The following SPEG variants were observed in gnomAD, a reference collection of about 807,000 sequenced individuals.
SPEG encodes the protein striated muscle enriched protein kinase, also known as striated muscle preferentially expressed protein kinase.
Under a neutral mutation model 300.4 loss-of-function variants are expected in SPEG, and 114 were observed. The ratio of observed to expected loss-of-function variants is 0.38; its 90% CI spans 0.33 to 0.44. The LOEUF (loss-of-function observed/expected upper bound fraction) is 0.44, where lower values mean the gene tolerates loss of function less well. Ranked by LOEUF, SPEG falls within the 20% of genes least tolerant of loss-of-function variation. SPEG has a pLI of 1.00. For missense variants in SPEG, 4,201 were observed against 4,586.2 expected, an observed-to-expected ratio of 0.92 and a Z score of 2.43; for synonymous variants, 1,964 against 2,018.9, an observed-to-expected ratio of 0.97 and a Z score of 0.73.
In SPEG at chr2:219,485,388, G is replaced by C. The variant is rs779215975; in HGVS notation, c.7652G>C (p.Arg2551Pro). 2.5e-6 allele frequency: 4 copies of C among 1,607,486 alleles called. No individual in the cohort carries two copies. The African/African-American group carries it at 4.0e-5, about 16-fold the overall frequency. ...AGCCGGCTCCGCTGGGGCTTCTCTC[G>C]GCCGCGGAAGGACAAGGGGTTATCG... ...SRSRLRWGFS[R>P]PRKDKGLSPP... The change falls in exon 31 of 41, where the codon CGG becomes CCG. Residue 2551 changes from arginine (R) to proline (P), a missense_variant. By Grantham distance (103) the Arg-to-Pro change is moderately radical. This residue lies in a region of SPEG where 1,578 missense variants were observed against 1,506.0 expected (regional missense o/e 1.05). Coordinates refer to ENST00000312358, the MANE Select transcript of SPEG (RefSeq NM_005876.5).
intron 4 of SPEG, 190 bp from the exon 5 acceptor site, chr2:219,450,946 G>C: frequency 1.7e-6 from 1 of 575,470 alleles, no homozygotes; most frequent in East Asian, 3.1e-5. Context: ...TTTCGAGAAT[G>C]CTCCTTCTGA....
chr2:219,435,111 T>A lies in SPEG; in HGVS notation c.134T>A (p.Phe45Tyr), dbSNP rs899660947. ...APVAVAGAPVFLRPLKNAAVC... is the reference protein window; with the variant it reads ...APVAVAGAPVYLRPLKNAAVC... Reference sequence around the variant, plus strand: ...GTGGCCGTGGCCGGGGCGCCAGTCTTCCTGCGGCCCCTGAAGAACGCGGCG... The same window carrying A: ...GTGGCCGTGGCCGGGGCGCCAGTCTACCTGCGGCCCCTGAAGAACGCGGCG... The change falls in exon 1 of 41, where the codon TTC becomes TAC. Residue 45 changes from phenylalanine to tyrosine, a missense_variant. Phe to Tyr is a conservative substitution (Grantham distance 22, BLOSUM62 3). Around this residue, in one of 4 missense-constraint regions of SPEG, gnomAD observed 1,258 missense variants for 1,293.9 expected, o/e 0.97. Transcript: ENST00000312358. 5 of 1,455,678 alleles carry A rather than the reference T, an allele frequency of 3.4e-6. No homozygotes were observed. The highest frequency in any genetic ancestry group is 2.2e-4 in the Middle Eastern group (1 of 4,530). 90.2% of individuals were successfully genotyped at this position (1,455,678 alleles called of 1,614,324 possible).
chr2:219,471,648 A>G, intron 13 of SPEG: 1 of 580,496 alleles, frequency 1.7e-6, no homozygotes, highest in Non-Finnish European at 3.1e-6. Flanking sequence ...CAGAGGGGCC[A>G]GGGCAGATGT....
intron 31 of SPEG, among the ~76,000 whole-genome samples, chr2:219,486,992 G>A (rs946071034): frequency 2.0e-5 from 3 of 152,002 alleles, no homozygotes; most frequent in Non-Finnish European, 4.4e-5. Context: ...CTTCTGCCTG[G>A]CTCATCCCCA....
intron 9 of SPEG, 184 bp from the exon 10 acceptor site, chr2:219,466,990 C>A: frequency 9.5e-7 from 1 of 1,053,712 alleles, no homozygotes; most frequent in Non-Finnish European, 1.3e-6. Context: ...GGATTGCCAT[C>A]TCAAAGCCAG....
Position 219,467,418 on chromosome 2 carries a change from G to T in SPEG, c.3126G>T (p.Lys1042Asn). 6.2e-7 allele frequency: 1 copy of T among 1,604,566 alleles called. No homozygotes were observed. The highest frequency in any genetic ancestry group is 1.1e-5 in the South Asian group (1 of 90,820). The change falls in exon 10 of 41, where the codon AAG becomes AAT. Residue 1042 changes from lysine to asparagine, a missense_variant. By Grantham distance (94) the Lys-to-Asn change is moderately conservative. Transcript: ENST00000312358. ...ACGACAGTGGCGTCTACACCTGCAAGCTCAGCACGGCCAAAGGTAACTCCC... is the reference window on the plus strand; with the variant it reads ...ACGACAGTGGCGTCTACACCTGCAATCTCAGCACGGCCAAAGGTAACTCCC... ...HEDDSGVYTC[K>N]LSTAKDELTC... is the part of the protein sequence containing the mutation.
intron 1 of SPEG, chr2:219,441,585 G>C (rs1448942749): frequency 2.1e-6 from 1 of 470,856 alleles, no homozygotes; most frequent in South Asian, 1.5e-5. Flanking sequence ...GAGAGGCCCC[G>C]CGGGAGGAGG....
intron 6 of SPEG, among the ~76,000 whole-genome samples, chr2:219,452,516 G>A (rs148045240): frequency 2.6e-4 from 39 of 152,198 alleles, no homozygotes; most frequent in African/African-American, 7.9e-4. Flanking sequence ...CCTGGGGTTC[G>A]GGGAGGTGAG....
rs1005169577 is a variant in SPEG at position 219,466,350 on chromosome 2, C to T, written c.2882-824C>T. 8.4e-5 allele frequency: 118 copies of T among 1,397,962 alleles called. No homozygotes were observed. In the African/African-American group the frequency reaches 1.4e-3, roughly 17 times the overall value. 86.6% of individuals were successfully genotyped at this position (1,397,962 alleles called of 1,614,324 possible). ...GCGGCTGCGAGGGGTATCAACCCCC[C>T]GAGTCTCTCCCTGAAGGGGAGCACC... On this transcript the variant is annotated intron_variant, in intron 9 of 40. Transcript: ENST00000312358.
At position 219,482,862 on chromosome 2, in the gene SPEG, G is replaced by C; in HGVS notation, c.5634+10G>C. 6.2e-7 allele frequency: 1 copy of C among 1,613,024 alleles called. No individual in the cohort carries two copies. Among genetic ancestry groups the C allele is most frequent in the Non-Finnish European group, 8.5e-7 (1 of 1,179,372 alleles). ...CCGGCGGAGGTGGCAGGTAAGTGTG[G>C]CAGGCCAGCCTCTGTGCTTTCCACC... On this transcript the variant is annotated intron_variant, in intron 29 of 40. Transcript: ENST00000312358.
intron 39 of SPEG, 95 bp from the exon 40 acceptor site, chr2:219,492,015 TG>T: frequency 7.0e-7 from 1 of 1,429,320 alleles, no homozygotes; most frequent in Non-Finnish European, 9.6e-7. Context: ...CACAGTAGCA[TG>T]GCCCTGAGCA....
intron 9 of SPEG, chr2:219,466,496 T>C (rs925823706): frequency 7.1e-5 from 80 of 1,123,768 alleles, no homozygotes; most frequent in Non-Finnish European, 7.4e-5. Flanking sequence ...GTGGGAGAGA[T>C]TACGGCATGG....
At position 219,476,883 on chromosome 2, in the gene SPEG, T is replaced by C. The variant is rs1401535491; in HGVS notation, c.4461T>C (p.Phe1487=). 8 of 1,613,592 alleles carry C rather than the reference T, an allele frequency of 5.0e-6. No individual in the cohort carries two copies. The highest frequency in any genetic ancestry group is 6.8e-6 in the Non-Finnish European group (8 of 1,179,834). ...CATGTGTTTCAGAGGCCCCTCGGTT[T>C]GAGTCCATCATGGAGGACGTGGAGG... ...VTLELAEAPR[F]ESIMEDVEVG... The change falls in exon 19 of 41, where the codon TTT becomes TTC. Residue 1487 remains phenylalanine, a synonymous_variant. Transcript: ENST00000312358.
At position 219,473,768 on chromosome 2, in the gene SPEG, G is replaced by C; in HGVS notation, c.4312G>C (p.Glu1438Gln). 1.2e-6 allele frequency: 2 copies of C among 1,614,028 alleles called. No homozygotes were observed. The highest frequency in any genetic ancestry group is 1.7e-6 in the Non-Finnish European group (2 of 1,180,028). ...CCTAGAGGCACGGGCCGGTGTGTACGAGCTGAGCCAGCCAGATGATGACCA... is the reference window on the plus strand; with the variant it reads ...CCTAGAGGCACGGGCCGGTGTGTACCAGCTGAGCCAGCCAGATGATGACCA... Reference protein sequence around the residue: ...ALLEARAGVYELSQPDDDQYC... With the variant: ...ALLEARAGVYQLSQPDDDQYC... The change falls in exon 18 of 41, where the codon GAG becomes CAG. Residue 1438 changes from glutamate to glutamine, a missense_variant. Physicochemically the swap from Glu to Gln is conservative, Grantham distance 29. Transcript: ENST00000312358. The surrounding 1 kb of genome is among the most constrained non-coding windows in gnomAD (Gnocchi z 4.6).
chr2:219,440,406 T>G (rs1954830163), intron 1 of SPEG, among the ~76,000 whole-genome samples: 1 of 151,554 alleles, frequency 6.6e-6, no homozygotes, highest in Admixed American at 6.6e-5. Context: ...TAAAGAAATC[T>G]AAAATAAGAT....
chr2:219,457,237 G>T (rs1345854232), intron 6 of SPEG, among the ~76,000 whole-genome samples: 1 of 152,190 alleles, frequency 6.6e-6, no homozygotes, highest in Non-Finnish European at 1.5e-5. Context: ...ACAGGCAAAT[G>T]CTTGCTAACC....
At chr2:219,487,024 T>A (rs978857932) in intron 31 of SPEG, among the ~76,000 whole-genome samples, 1 of 152,042 alleles carries the variant, frequency 6.6e-6, no homozygotes, top group African/African-American at 2.4e-5. Context: ...CCACAATTCT[T>A]CAGACAGGCA....
rs927465035 is a variant in SPEG, at chr2:219,458,086, A to G, written c.2441-3796A>G. On this transcript the variant is annotated intron_variant, in intron 6 of 40. Transcript: ENST00000312358. The surrounding 1 kb of genome is among the most constrained non-coding windows in gnomAD (Gnocchi z 4.2). Reference sequence around the variant, plus strand: ...CCAGAAGGCTCCTGAGGACATGACCATGTCTTTGCCACTCCTTAGCACTGG... The same window carrying G: ...CCAGAAGGCTCCTGAGGACATGACCGTGTCTTTGCCACTCCTTAGCACTGG... Among the ~76,000 whole-genome samples, 1 of 152,100 alleles carries G rather than the reference A, an allele frequency of 6.6e-6. No homozygotes were observed. Among genetic ancestry groups the G allele is most frequent in the Non-Finnish European group, 1.5e-5 (1 of 68,008 alleles).
intron 28 of SPEG, 76 bp from the exon 29 acceptor site, chr2:219,482,708 C>T (rs1430411789): frequency 1.5e-6 from 2 of 1,367,146 alleles, no homozygotes; most frequent in Non-Finnish European, 2.1e-6. Flanking sequence ...GCCCCATGGA[C>T]TTTGTCTCTC....
Sources: allele counts gnomAD v4.1 joint callset (sites outside exome capture counted in the v4.1 genomes callset), GRCh38; gene constraint gnomAD v4.1.1; regional missense constraint gnomAD v4.1.1; non-coding constraint Gnocchi (gnomAD v3.1); transcripts MANE v1.5; gene names NCBI Gene and HGNC (gene_info 2026-07-23, HGNC 2026-07-21).